Variants in PCDH15 observed in about 807,000 individuals in gnomAD.
PCDH15 encodes protocadherin related 15.
A neutral mutation model predicts 178.5 loss-of-function variants in PCDH15; 129 were observed. That is an observed-to-expected ratio of 0.72 (90% CI 0.63 to 0.84). The LOEUF is 0.84. PCDH15 is among the 40% of genes least tolerant of loss of function. PCDH15 has a pLI of 0.00. For missense variants in PCDH15, 2,230 were observed against 2,099.9 expected, an observed-to-expected ratio of 1.06 and a Z score of -1.21; for synonymous variants, 800 against 732.0, an observed-to-expected ratio of 1.09 and a Z score of -1.50.
chr10:54,669,704 G>GT (rs552188017), intron 1 of PCDH15, among the ~76,000 whole-genome samples: 7 of 147,632 alleles, frequency 4.7e-5, no homozygotes, highest in Admixed American at 1.4e-4. Context: ...CGGGCTTACA[G>GT]TTTTTTTTAA....
chr10:54,087,309 C>G (rs1053460200), intron 16 of PCDH15, among the ~76,000 whole-genome samples: 17 of 152,146 alleles, frequency 1.1e-4, no homozygotes, highest in African/African-American at 3.9e-4. Flanking sequence ...CCCATTCTCT[C>G]CCACTCCTCA....
chr10:55,038,735 C>T (rs1840796298), intron 2 of PCDH15, among the ~76,000 whole-genome samples: 1 of 152,056 alleles, frequency 6.6e-6, no homozygotes, highest in African/African-American at 2.4e-5. Context: ...GTGGTGAAAC[C>T]TGAAACTTTT....
intron 2 of PCDH15, among the ~76,000 whole-genome samples, chr10:54,610,249 T>C (rs978431638): frequency 1.3e-5 from 2 of 151,934 alleles, no homozygotes; most frequent in Non-Finnish European, 2.9e-5. Context: ...ACAAAACTAC[T>C]GGCTTGGATT....
chr10:54,554,153 CT>C (rs2086911299), intron 2 of PCDH15, among the ~76,000 whole-genome samples: 1 of 152,152 alleles, frequency 6.6e-6, no homozygotes, highest in African/African-American at 2.4e-5. Context: ...TTATTTTCCC[CT>C]GTCTTTGTTT....
At chr10:53,966,905 T>C (rs1432945783) in intron 21 of PCDH15, among the ~76,000 whole-genome samples, 5 of 151,750 alleles carry the variant, frequency 3.3e-5, no homozygotes. Context: ...TTCATATATA[T>C]ATGTATATAT....
intron 14 of PCDH15, among the ~76,000 whole-genome samples, chr10:54,149,134 A>T (rs1009684301): frequency 1.3e-5 from 2 of 152,074 alleles, no homozygotes; most frequent in Non-Finnish European, 2.9e-5. Context: ...GGTCAACCTC[A>T]TCCTCTTATT....
intron 7 of PCDH15, among the ~76,000 whole-genome samples, chr10:54,325,975 A>T (rs1377441305): frequency 2.0e-5 from 3 of 152,180 alleles, no homozygotes; most frequent in Non-Finnish European, 4.4e-5. Flanking sequence ...TACATTTTAG[A>T]TATATGGATA....
At chr10:54,392,097 G>A (rs1420838130) in intron 3 of PCDH15, among the ~76,000 whole-genome samples, 2 of 151,982 alleles carry the variant, frequency 1.3e-5, no homozygotes, top group African/African-American at 2.4e-5. Context: ...TATAGTACAG[G>A]TACTTTGTTT....
intron 32 of PCDH15, chr10:53,821,285 A>ATGACTACATG: frequency 2.0e-6 from 2 of 984,836 alleles, no homozygotes; most frequent in Non-Finnish European, 2.4e-6. Flanking sequence ...CAGAAAACAG[A>ATGACTACATG]TGACTACATG....
At chr10:54,439,529 C>T (rs189894872) in intron 3 of PCDH15, among the ~76,000 whole-genome samples, 356 of 152,064 alleles carry the variant, frequency 2.3e-3, no homozygotes, top group Non-Finnish European at 3.4e-3. Flanking sequence ...ACTAATAATT[C>T]TATTTATAGG....
chr10:55,308,913 G>A (rs897667638), intron 1 of PCDH15, among the ~76,000 whole-genome samples: 7 of 152,138 alleles, frequency 4.6e-5, no homozygotes, highest in African/African-American at 1.4e-4. Context: ...CAGTTTGCAA[G>A]GAAAGCAATA....
At chr10:54,876,209 A>C (rs1954140448) in intron 3 of PCDH15, among the ~76,000 whole-genome samples, 1 of 152,124 alleles carries the variant, frequency 6.6e-6, no homozygotes, top group Non-Finnish European at 1.5e-5. Flanking sequence ...GGTTTACTGA[A>C]TACTTTCAGC....
chr10:55,357,314 T>C (rs1845104695), intron 2 of PCDH15, among the ~76,000 whole-genome samples: 1 of 151,868 alleles, frequency 6.6e-6, no homozygotes, highest in Non-Finnish European at 1.5e-5. Flanking sequence ...GATTCTAGAA[T>C]AAAACACAGA....
chr10:54,263,328 A>C (rs995079819), intron 8 of PCDH15, among the ~76,000 whole-genome samples: 8 of 152,220 alleles, frequency 5.3e-5, no homozygotes, highest in Admixed American at 3.3e-4. Flanking sequence ...TCAGCCACTA[A>C]AAGGGTCACC....
chr10:53,973,559 A>G (rs2610899), intron 21 of PCDH15, among the ~76,000 whole-genome samples: 109,384 of 152,088 alleles, frequency 0.72, 39,634 homozygotes, highest in East Asian at 0.87. Context: ...CACTAAAAGC[A>G]GTATACAGAA....
rs1564922367 is a variant in PCDH15 at position 54,307,081 on chromosome 10, C to CAT, written c.876+10188_876+10189dup. The stretch of plus-strand genomic sequence containing the variant: ...ATATATATATATATATATATATATA[C>CAT]ATATATATATATGTGTGTGTGTGTA... On this transcript the variant is annotated intron_variant, in intron 8 of 37. Coordinates refer to ENST00000644397, the MANE Select transcript of PCDH15 (RefSeq NM_001384140.1). 6.9e-3 allele frequency among the ~76,000 whole-genome samples: 80 copies of CAT among 11,536 alleles called. 13 individuals carry two copies. Among genetic ancestry groups the CAT allele is most frequent in the East Asian group, 0.064 (19 of 298 alleles). The allele number at this position is 11,536 out of a possible 152,430, so 7.6% of individuals were successfully genotyped here. A position where few individuals can be genotyped will look rare whatever the true frequency, so the allele number is the denominator to read the frequency against.
At chr10:54,663,381 T>C (rs1382634674) in intron 2 of PCDH15, among the ~76,000 whole-genome samples, 2 of 150,200 alleles carry the variant, frequency 1.3e-5, no homozygotes, top group African/African-American at 4.9e-5. Flanking sequence ...AATAGGAAAT[T>C]TCTAGGGAGG....
At chr10:54,351,072 C>A (rs1432249487) in intron 5 of PCDH15, among the ~76,000 whole-genome samples, 1 of 151,560 alleles carries the variant, frequency 6.6e-6, no homozygotes, top group Admixed American at 6.6e-5. Context: ...GCACTGCACT[C>A]CAGCCTGGGG....
chr10:55,321,076 G>A (rs184911767), upstream of PCDH15, among the ~76,000 whole-genome samples: 2 of 151,606 alleles, frequency 1.3e-5, no homozygotes, highest in East Asian at 2.0e-4. Flanking sequence ...AGATGAAATG[G>A]CCATTGAAAA....
Sources: gnomAD v4.1 joint callset for allele counts (sites outside exome capture counted in the v4.1 genomes callset) on GRCh38, gnomAD v4.1.1 for gene constraint, MANE v1.5 for transcripts, NCBI Gene and HGNC (gene_info 2026-07-23, HGNC 2026-07-21) for gene names.